The following NPNT variants were observed in gnomAD, a reference collection of about 807,000 sequenced individuals.
NPNT encodes preosteoblast EGF-like repeat protein with MAM domain.
In NPNT, 45 loss-of-function variants were observed where a neutral mutation model predicts 68.6. The ratio of observed to expected loss-of-function variants is 0.66; its 90% CI spans 0.52 to 0.84. The LOEUF is 0.84. NPNT is among the 40% of genes least tolerant of loss of function. The pLI is 0.00. For missense variants in NPNT, 672 were observed against 714.8 expected, an observed-to-expected ratio of 0.94 and a Z score of 0.68; for synonymous variants, 233 against 253.3, an observed-to-expected ratio of 0.92 and a Z score of 0.76.
At chr4:105,914,686 C>G (rs570659287) in intron 2 of NPNT, among the ~76,000 whole-genome samples, 1 of 151,664 alleles carries the variant, frequency 6.6e-6, no homozygotes, top group South Asian at 2.1e-4. Flanking sequence ...GGGGCAGTAG[C>G]CCAGACCAGC....
At position 105,958,427 on chromosome 4, in the gene NPNT, T is replaced by TCA. The variant is rs112811203; in HGVS notation, c.1160-27_1160-26dup. ...AAGGTAATGCCTCTTTATCAATACT[T>TCA]CACACACACACACACACAAAAACTC... On this transcript the variant is annotated intron_variant, in intron 8 of 11. Transcript: ENST00000379987. 3,107 of 1,111,218 alleles carry TCA rather than the reference T, an allele frequency of 2.8e-3. 26 individuals carry two copies. In the African/African-American group the frequency reaches 0.028, roughly 10 times the overall value. 68.8% of individuals were successfully genotyped at this position (1,111,218 alleles called of 1,614,324 possible). A position where few individuals can be genotyped will look rare whatever the true frequency, so the allele number is the denominator to read the frequency against.
At chr4:105,900,842 T>G (rs1050688560) in intron 2 of NPNT, among the ~76,000 whole-genome samples, 2 of 150,004 alleles carry the variant, frequency 1.3e-5, no homozygotes, top group Non-Finnish European at 2.9e-5. Context: ...TTGTTTTTTT[T>G]TTTTTTTTTT....
chr4:105,905,749 A>G (rs1477892657), intron 2 of NPNT, among the ~76,000 whole-genome samples: 3 of 152,194 alleles, frequency 2.0e-5, no homozygotes, highest in African/African-American at 7.2e-5. Flanking sequence ...TCACTGTTGT[A>G]TACCTTTAGA....
intron 8 of NPNT, among the ~76,000 whole-genome samples, chr4:105,957,180 C>T (rs1393460069): frequency 2.0e-5 from 3 of 152,120 alleles, no homozygotes; most frequent in Non-Finnish European, 4.4e-5. Context: ...AACATTCCCA[C>T]GCATTTCCCC....
intron 2 of NPNT, among the ~76,000 whole-genome samples, chr4:105,918,686 T>C (rs1728007018): frequency 6.6e-6 from 1 of 152,172 alleles, no homozygotes; most frequent in South Asian, 2.1e-4. Flanking sequence ...TAGACTTACC[T>C]GCTGGAGGAT....
chr4:105,916,409 A>G (rs1727824868), intron 2 of NPNT, among the ~76,000 whole-genome samples: 1 of 150,880 alleles, frequency 6.6e-6, no homozygotes, highest in South Asian at 2.1e-4. Flanking sequence ...TTTTCAGTAG[A>G]GACGGGTTTG....
chr4:105,932,473 T>C (rs1729191371), intron 3 of NPNT: 5 of 509,006 alleles, frequency 9.8e-6, no homozygotes, highest in Non-Finnish European at 1.0e-5. Flanking sequence ...CCAGAAACTA[T>C]TGTTTATAAA....
chr4:105,907,742 T>C (rs995596345), intron 2 of NPNT, among the ~76,000 whole-genome samples: 5 of 152,186 alleles, frequency 3.3e-5, no homozygotes, highest in African/African-American at 1.2e-4. Flanking sequence ...TGTTATAAGG[T>C]AAAGAATTCA....
At chr4:105,914,436 A>G (rs540682253) in intron 2 of NPNT, among the ~76,000 whole-genome samples, 1 of 140,442 alleles carries the variant, frequency 7.1e-6, no homozygotes, top group Non-Finnish European at 1.5e-5. Context: ...TATATTATAT[A>G]AATATTACAT....
intron 8 of NPNT, among the ~76,000 whole-genome samples, chr4:105,953,104 T>G (rs918275516): frequency 2.0e-5 from 3 of 152,034 alleles, no homozygotes; most frequent in Admixed American, 6.6e-5. Context: ...AGGCAGAGAT[T>G]GTAGTGAGCC....
intron 6 of NPNT, 97 bp from the exon 7 acceptor site, chr4:105,940,417 A>G: frequency 7.8e-7 from 1 of 1,279,500 alleles, no homozygotes; most frequent in Admixed American, 2.0e-5. Flanking sequence ...AGATCATCAC[A>G]TTGCCAAAAA....
chr4:105,909,020 G>A (rs897080627), intron 2 of NPNT, among the ~76,000 whole-genome samples: 2 of 152,110 alleles, frequency 1.3e-5, no homozygotes, highest in Non-Finnish European at 2.9e-5. Flanking sequence ...AGTGTTTAGT[G>A]CCTCCTATTT....
At chr4:105,896,498 C>G (rs1044877244) in intron 1 of NPNT, among the ~76,000 whole-genome samples, 7 of 152,132 alleles carry the variant, frequency 4.6e-5, no homozygotes, top group Admixed American at 4.6e-4. Context: ...AGGGTGTGCT[C>G]GGTCCCCCTC....
intron 2 of NPNT, among the ~76,000 whole-genome samples, chr4:105,915,996 G>C (rs1480641695): frequency 6.6e-6 from 1 of 151,944 alleles, no homozygotes; most frequent in African/African-American, 2.4e-5. Context: ...ATAGTTGTAA[G>C]TTCTTGAAAA....
In NPNT at chr4:105,968,952, G is replaced by T. The variant is rs747838998; in HGVS notation, c.1660G>T (p.Val554Leu). ...CACTGGGGAGATTGGATTAGATGAT[G>T]TGAGCTTGAAAAAAGGCCACTGCTC... ...GHTGEIGLDDVSLKKGHCSEE... is the reference protein window; with the variant it reads ...GHTGEIGLDDLSLKKGHCSEE... The change falls in exon 12 of 12, where the codon GTG becomes TTG. Residue 554 changes from valine (V) to leucine (L), a missense_variant. Val to Leu is a conservative substitution (Grantham distance 32). Transcript: ENST00000379987. The T allele has an allele frequency of 1.2e-6, 2 of 1,612,940 alleles. No homozygotes were observed. Among genetic ancestry groups the T allele is most frequent in the Non-Finnish European group, 1.7e-6 (2 of 1,179,208 alleles).
At chr4:105,913,621 A>T (rs940461389) in intron 2 of NPNT, among the ~76,000 whole-genome samples, 1 of 152,226 alleles carries the variant, frequency 6.6e-6, no homozygotes, top group Admixed American at 6.5e-5. Flanking sequence ...ATACAAATGG[A>T]GAACTCTGAG....
intron 8 of NPNT, among the ~76,000 whole-genome samples, chr4:105,953,034 T>A (rs1173940090): frequency 6.6e-6 from 1 of 152,012 alleles, no homozygotes; most frequent in Non-Finnish European, 1.5e-5. Flanking sequence ...GGGGTGGTGG[T>A]GCACACCTGG....
intron 8 of NPNT, among the ~76,000 whole-genome samples, chr4:105,944,899 T>G (rs879497401): frequency 6.6e-6 from 1 of 152,264 alleles, no homozygotes; most frequent in Non-Finnish European, 1.5e-5. Context: ...AAATAACCAG[T>G]GTCTATTCAC....
intron 2 of NPNT, among the ~76,000 whole-genome samples, chr4:105,908,723 C>T (rs1727120094): frequency 6.6e-6 from 1 of 152,020 alleles, no homozygotes; most frequent in South Asian, 2.1e-4. Context: ...GCCCACCACA[C>T]CAACTAATTT....
Sources: allele counts gnomAD v4.1 joint callset (sites outside exome capture counted in the v4.1 genomes callset), GRCh38; gene constraint gnomAD v4.1.1; transcripts MANE v1.5; gene names NCBI Gene and HGNC (gene_info 2026-07-23, HGNC 2026-07-21).